The following SETD3 variants were observed in gnomAD, a reference collection of about 807,000 sequenced individuals.
SETD3 encodes actin-histidine N-methyltransferase.
SETD3 carries 19 observed loss-of-function variants against 63.0 expected under a neutral mutation model. That is an observed-to-expected ratio of 0.30 (90% CI 0.21 to 0.44). The LOEUF (loss-of-function observed/expected upper bound fraction) is 0.44. SETD3 is among the 20% of genes least tolerant of loss of function. The pLI, the probability that SETD3 is intolerant of heterozygous loss-of-function variation, is 1.00. For synonymous variants in SETD3, 286 were observed against 264.1 expected (o/e 1.08, Z -0.80); for missense variants, 587 against 728.5 (o/e 0.81, Z 2.24).
In SETD3 at chr14:99,398,574, T is replaced by G; in HGVS notation, c.*105A>C. On this transcript the variant is annotated 3_prime_UTR_variant, in exon 13 of 13. Transcript: ENST00000331768. ...TTATATAAAGCAGCAAAAACATATC[T>G]TCCTCTCTGCAGAAAGAAAAATGTT... The G allele has an allele frequency of 9.1e-7, 1 of 1,097,530 alleles. No homozygotes were observed. Among genetic ancestry groups the G allele is most frequent in the Non-Finnish European group, 1.3e-6 (1 of 765,104 alleles). 68.0% of individuals were successfully genotyped at this position (1,097,530 alleles called of 1,614,324 possible). A position where few individuals can be genotyped will look rare whatever the true frequency, so the allele number is the denominator to read the frequency against.
intron 1 of SETD3, among the ~76,000 whole-genome samples, chr14:99,480,165 C>G (rs1162308571): frequency 6.6e-6 from 1 of 152,146 alleles, no homozygotes; most frequent in African/African-American, 2.4e-5. Context: ...GGGGGCTGGT[C>G]CCCGGGCACC....
intron 6 of SETD3, among the ~76,000 whole-genome samples, chr14:99,419,546 C>T (rs1211093431): frequency 5.3e-5 from 8 of 152,018 alleles, no homozygotes; most frequent in African/African-American, 1.9e-4. Flanking sequence ...GAGGCCGAAG[C>T]GGGCGGATCA....
the SETD3 span, among the ~76,000 whole-genome samples, chr14:99,486,430 TCTCCATCC>T: frequency 6.6e-6 from 1 of 152,164 alleles, no homozygotes; most frequent in African/African-American, 2.4e-5. Flanking sequence ...CCTTCTTCAC[TCTCCATCC>T]CTCCATCCGT....
intron 8 of SETD3, among the ~76,000 whole-genome samples, chr14:99,409,396 A>C (rs1891855360): frequency 6.6e-6 from 1 of 152,178 alleles, no homozygotes; most frequent in Non-Finnish European, 1.5e-5. Context: ...AGCGGGTGGC[A>C]GCCGGAGTTT....
chr14:99,402,441 T>C (rs1038896994), intron 11 of SETD3, among the ~76,000 whole-genome samples: 7 of 152,214 alleles, frequency 4.6e-5, no homozygotes, highest in African/African-American at 1.7e-4. Context: ...TTGTTTGTTT[T>C]AGACAGGGTC....
chr14:99,482,311 T>C (rs1443216258), upstream of SETD3, among the ~76,000 whole-genome samples: 1 of 152,242 alleles, frequency 6.6e-6, no homozygotes, highest in Non-Finnish European at 1.5e-5. Flanking sequence ...CCTAGCACAA[T>C]GCCTTGCAGT....
chr14:99,400,324 A>G (rs1448139739), intron 11 of SETD3, 65 bp from the exon 12 acceptor site: 3 of 1,494,790 alleles, frequency 2.0e-6, no homozygotes, highest in Non-Finnish European at 2.7e-6. Context: ...TGAACAAGCA[A>G]TCTACCTTAG....
chr14:99,421,377 T>A (rs544824821), intron 6 of SETD3, among the ~76,000 whole-genome samples: 2 of 152,074 alleles, frequency 1.3e-5, no homozygotes, highest in East Asian at 3.9e-4. Context: ...GATAACTACG[T>A]TGGACTCTGT....
rs181926709 is a variant in SETD3 at position 99,477,888 on chromosome 14, C to A, written c.-9+2840G>T. 3.4e-3 allele frequency among the ~76,000 whole-genome samples: 520 copies of A among 151,816 alleles called. 4 individuals are homozygous for A. Among genetic ancestry groups the A allele is most frequent in the Non-Finnish European group, 4.5e-3 (304 of 67,958 alleles). On this transcript the variant is annotated intron_variant, in intron 1 of 12. Coordinates refer to ENST00000331768, the MANE Select transcript of SETD3 (RefSeq NM_032233.3). ...TCTATTTGCATATCAAATTAGTTAACCTCTCCAATTTATGAATAGAAAAAT... is the reference window on the plus strand; with the variant it reads ...TCTATTTGCATATCAAATTAGTTAAACTCTCCAATTTATGAATAGAAAAAT...
Position 99,438,247 on chromosome 14 carries a change from G to A in SETD3, c.675+20032C>T, listed in dbSNP as rs1893599326. On this transcript the variant is annotated intron_variant, in intron 6 of 12. Coordinates refer to ENST00000331768, the MANE Select transcript of SETD3 (RefSeq NM_032233.3). ...TGTGTGTCACTACGGTTAAGGTTGG[G>A]TGAGCACTTCCATTAAAACCTTCAC... Among the ~76,000 whole-genome samples, 6 of 152,290 alleles carry A rather than the reference G, an allele frequency of 3.9e-5. No homozygotes were observed. The South Asian group carries it at 1.2e-3, about 32-fold the overall frequency.
At chr14:99,413,332 C>T in intron 7 of SETD3, 1 of 361,204 alleles carries the variant, frequency 2.8e-6, no homozygotes, top group Non-Finnish European at 5.0e-6. Flanking sequence ...GCTCAGGCCC[C>T]TTCCCGGATC....
Position 99,463,490 on chromosome 14 carries a change from T to C in SETD3, c.192A>G (p.Gln64=). 6.2e-7 allele frequency: 1 copy of C among 1,612,776 alleles called. No individual in the cohort carries two copies. The highest frequency in any genetic ancestry group is 1.1e-5 in the South Asian group (1 of 90,966). ...TTATCATTCTAGCAATTTTACCTTT[T>C]TGCTTTTTCCGTATTTTCTCAACCA... The part of the protein sequence containing the change: ...RTLVEKIRKK[Q]KGLSVTFDGK... Residue 64 remains glutamine (Q), a synonymous_variant, in exon 3 of 13, where the codon CAA becomes CAG. Transcript: ENST00000331768.
At chr14:99,435,434 G>C (rs893254083) in intron 6 of SETD3, among the ~76,000 whole-genome samples, 3 of 152,086 alleles carry the variant, frequency 2.0e-5, no homozygotes, top group Non-Finnish European at 4.4e-5. Flanking sequence ...CTTACTTCCC[G>C]ATAGCTTGTC....
At chr14:99,454,526 G>T (rs985949751) in intron 6 of SETD3, among the ~76,000 whole-genome samples, 1 of 152,184 alleles carries the variant, frequency 6.6e-6, no homozygotes, top group African/African-American at 2.4e-5. Flanking sequence ...AGGGACAGGA[G>T]AAGTGATTTA....
chr14:99,410,132 G>T, intron 8 of SETD3: 3 of 1,492,552 alleles, frequency 2.0e-6, no homozygotes, highest in Middle Eastern at 1.7e-4. Context: ...GCTGGAGGAG[G>T]TCTATGAGTG....
chr14:99,479,733 ATTC>A (rs1413144946), intron 1 of SETD3, among the ~76,000 whole-genome samples: 1 of 152,226 alleles, frequency 6.6e-6, no homozygotes, highest in Non-Finnish European at 1.5e-5. Context: ...CTCTTCGAGG[ATTC>A]TTAAAAGCAA....
intron 6 of SETD3, among the ~76,000 whole-genome samples, chr14:99,439,540 C>G (rs1893670493): frequency 6.6e-6 from 1 of 150,600 alleles, no homozygotes; most frequent in East Asian, 1.9e-4. Flanking sequence ...AAGCATTCAG[C>G]AAAACTCATT....
chr14:99,435,835 G>A (rs1303594905), intron 6 of SETD3, among the ~76,000 whole-genome samples: 4 of 148,848 alleles, frequency 2.7e-5, no homozygotes, highest in Non-Finnish European at 5.9e-5. Flanking sequence ...GACAAAGAAA[G>A]AAGATGACTC....
At chr14:99,401,628 T>G (rs1891393489) in intron 11 of SETD3, among the ~76,000 whole-genome samples, 2 of 152,224 alleles carry the variant, frequency 1.3e-5, no homozygotes, top group South Asian at 4.1e-4. Flanking sequence ...CAAAAAAGTT[T>G]ATTAACTTTT....
Sources: allele counts gnomAD v4.1 joint callset (sites outside exome capture counted in the v4.1 genomes callset), GRCh38; gene constraint gnomAD v4.1.1; transcripts MANE v1.5; gene names NCBI Gene and HGNC (gene_info 2026-07-23, HGNC 2026-07-21).